CNTLN: variants seen among roughly 807,000 people sequenced by gnomAD.
CNTLN encodes the protein centlein, centrosomal protein.
A neutral mutation model predicts 180.0 loss-of-function variants in CNTLN; 212 were observed. The ratio of observed to expected loss-of-function variants is 1.18; its 90% CI spans 1.05 to 1.32. The LOEUF (loss-of-function observed/expected upper bound fraction) is 1.32. Ranked by LOEUF, CNTLN falls within the 40% of genes most tolerant of loss-of-function variation. CNTLN has a pLI of 0.00. For synonymous variants in CNTLN, 722 were observed against 563.1 expected (o/e 1.28, Z -3.99); for missense variants, 2,095 against 1,610.9 (o/e 1.30, Z -5.14).
chr9:17,236,832 A>G (rs1259106472), intron 5 of CNTLN, among the ~76,000 whole-genome samples: 2 of 152,204 alleles, frequency 1.3e-5, no homozygotes, highest in East Asian at 1.9e-4. Context: ...TGCATTTTGA[A>G]AGAAAATGTG....
chr9:17,192,503 C>T (rs981346892), intron 2 of CNTLN, among the ~76,000 whole-genome samples: 12 of 152,130 alleles, frequency 7.9e-5, no homozygotes, highest in Admixed American at 5.9e-4. Context: ...TCCCAAAGTG[C>T]TGGGATTACA....
In CNTLN at chr9:17,135,258, G is replaced by C. The variant is rs1455769993; in HGVS notation, c.193G>C (p.Gly65Arg). Reference sequence around the variant, plus strand: ...CTGGGTGGGTGAAGAAGGGTCAGGGGGCCGGCGAGGGCCTGGGGGGGCAGC... The same window carrying C: ...CTGGGTGGGTGAAGAAGGGTCAGGGCGCCGGCGAGGGCCTGGGGGGGCAGC... ...KIWVGEEGSG[G>R]RRGPGGAAPA... The change falls in exon 1 of 26, where the codon GGC becomes CGC. Residue 65 changes from glycine to arginine, a missense_variant. Coordinates refer to ENST00000380647, the MANE Select transcript of CNTLN (RefSeq NM_017738.4). 1 of 1,603,822 alleles carries C rather than the reference G, an allele frequency of 6.2e-7. No homozygotes were observed.
chr9:17,138,139 A>T (rs1817846935), intron 1 of CNTLN, among the ~76,000 whole-genome samples: 1 of 152,152 alleles, frequency 6.6e-6, no homozygotes, highest in Non-Finnish European at 1.5e-5. Context: ...ACCTAACTCC[A>T]CTACACTTTT....
intron 2 of CNTLN, among the ~76,000 whole-genome samples, chr9:17,206,362 C>T (rs1199398386): frequency 1.3e-5 from 2 of 152,258 alleles, no homozygotes; most frequent in East Asian, 3.9e-4. Flanking sequence ...CTTATGTTAT[C>T]AGATGAATTT....
At chr9:17,441,423 A>T (rs559062177) in intron 18 of CNTLN, among the ~76,000 whole-genome samples, 36 of 152,154 alleles carry the variant, frequency 2.4e-4, no homozygotes, top group Non-Finnish European at 4.3e-4. Flanking sequence ...ACCAAATTAC[A>T]TGTGAGAAGT....
chr9:17,209,574 T>G (rs1823147033), intron 2 of CNTLN, among the ~76,000 whole-genome samples: 1 of 152,172 alleles, frequency 6.6e-6, no homozygotes, highest in Admixed American at 6.5e-5. Flanking sequence ...TCTAATAATA[T>G]TTTCTCTATA....
At chr9:17,470,949 A>G (rs569070489) in intron 23 of CNTLN, among the ~76,000 whole-genome samples, 2 of 152,140 alleles carry the variant, frequency 1.3e-5, no homozygotes, top group South Asian at 4.1e-4. Context: ...TACACATACA[A>G]TTGTTAATAC....
At chr9:17,202,646 GTTTTTTTTTTTTTTTTTT>G (rs57960408) in intron 2 of CNTLN, among the ~76,000 whole-genome samples, 1 of 71,486 alleles carries the variant, frequency 1.4e-5, no homozygotes, top group African/African-American at 5.3e-5. Flanking sequence ...TGCAACCTCT[GTTTTTTTTTTTTTTTTTT>G]TTTTTTGTTG....
intron 2 of CNTLN, among the ~76,000 whole-genome samples, chr9:17,158,112 A>G (rs941280052): frequency 6.6e-6 from 1 of 152,316 alleles, no homozygotes; most frequent in East Asian, 1.9e-4. Context: ...ACCATGTCAG[A>G]TAAGGGATAC....
chr9:17,441,669 A>G (rs1343748665), intron 18 of CNTLN, among the ~76,000 whole-genome samples: 4 of 152,090 alleles, frequency 2.6e-5, no homozygotes, highest in Admixed American at 1.3e-4. Context: ...GCTATAAGAC[A>G]GAAAACAAGG....
intron 18 of CNTLN, among the ~76,000 whole-genome samples, chr9:17,424,632 A>G (rs1828954896): frequency 1.3e-5 from 2 of 152,208 alleles, no homozygotes; most frequent in Admixed American, 1.3e-4. Flanking sequence ...CTGTGGTTTC[A>G]ATATGTCCTC....
chr9:17,308,567 A>G lies in CNTLN; in HGVS notation c.1147-491A>G, dbSNP rs544337600. On this transcript the variant is annotated intron_variant, in intron 7 of 25. Transcript: ENST00000380647. ...TCAAATGTATATGTTAAGTCCGATT[A>G]AACTGATATACCTTGTGCTCCTTTC... is the stretch of plus-strand genomic sequence containing the variant. Among the ~76,000 whole-genome samples the G allele has an allele frequency of 2.1e-3, 325 of 152,218 alleles. 1 individual carries two copies. The highest frequency in any genetic ancestry group is 7.1e-3 in the African/African-American group (294 of 41,578).
At chr9:17,242,900 A>G (rs1825582388) in intron 5 of CNTLN, among the ~76,000 whole-genome samples, 1 of 152,084 alleles carries the variant, frequency 6.6e-6, no homozygotes, top group Admixed American at 6.5e-5. Flanking sequence ...TATTCTTCAG[A>G]ATAGTTTGAG....
At chr9:17,234,950 G>A (rs528560124) in intron 3 of CNTLN, among the ~76,000 whole-genome samples, 5 of 152,256 alleles carry the variant, frequency 3.3e-5, no homozygotes, top group Admixed American at 3.3e-4. Context: ...ATATGAGATT[G>A]GTGATTGGGA....
intron 23 of CNTLN, among the ~76,000 whole-genome samples, chr9:17,474,877 A>G (rs1198764721): frequency 6.6e-6 from 1 of 152,052 alleles, no homozygotes; most frequent in Non-Finnish European, 1.5e-5. Context: ...CAAAAAAAAA[A>G]AAAAGGGAAA....
intron 13 of CNTLN, among the ~76,000 whole-genome samples, chr9:17,377,497 C>T (rs753512676): frequency 2.6e-5 from 4 of 152,168 alleles, no homozygotes; most frequent in East Asian, 1.9e-4. Context: ...GCCAAGATTG[C>T]GTCATTGCAC....
chr9:17,484,591 T>A, intron 24 of CNTLN, 111 bp downstream of exon 24: 1 of 871,066 alleles, frequency 1.1e-6, no homozygotes, highest in Non-Finnish European at 1.7e-6. Flanking sequence ...AGAGTGTTAA[T>A]GATGGTAAGA....
chr9:17,250,871 G>A (rs797017125), intron 5 of CNTLN, among the ~76,000 whole-genome samples: 111 of 152,042 alleles, frequency 7.3e-4, no homozygotes, highest in African/African-American at 2.6e-3. Flanking sequence ...ATATGGATTT[G>A]AGTTACTGCT....
At chr9:17,449,151 T>A (rs867294525) in intron 18 of CNTLN, among the ~76,000 whole-genome samples, 1 of 152,192 alleles carries the variant, frequency 6.6e-6, no homozygotes, top group Non-Finnish European at 1.5e-5. Flanking sequence ...GATGATGAAT[T>A]ATTCTGGATA....
Sources: gnomAD v4.1 joint callset for allele counts (sites outside exome capture counted in the v4.1 genomes callset) on GRCh38, gnomAD v4.1.1 for gene constraint, MANE v1.5 for transcripts, NCBI Gene and HGNC (gene_info 2026-07-23, HGNC 2026-07-21) for gene names.